Variants in AUH observed in about 807,000 individuals in gnomAD.
The protein encoded by AUH is AU RNA binding methylglutaconyl-CoA hydratase.
Under a neutral mutation model 42.3 loss-of-function variants are expected in AUH, and 29 were observed. The observed-to-expected ratio is 0.69, with a 90% CI of 0.51 to 0.93. The LOEUF (loss-of-function observed/expected upper bound fraction) is 0.93, where lower values mean the gene tolerates loss of function less well. AUH is among the 40% of genes least tolerant of loss of function. The pLI is 0.00. For missense variants in AUH, 452 were observed against 438.1 expected, an observed-to-expected ratio of 1.03 and a Z score of -0.28; for synonymous variants, 174 against 166.4, an observed-to-expected ratio of 1.05 and a Z score of -0.35.
chr9:91,303,555 C>T (rs1217187087), intron 4 of AUH, among the ~76,000 whole-genome samples: 1 of 152,182 alleles, frequency 6.6e-6, no homozygotes, highest in African/African-American at 2.4e-5. Flanking sequence ...TGGTCTCAAT[C>T]TGACCTCGTG....
intron 3 of AUH, chr9:91,342,567 G>A (rs965257618): frequency 2.6e-5 from 4 of 152,114 alleles, no homozygotes; most frequent in African/African-American, 7.2e-5. Context: ...GGGCAAGAGT[G>A]GAAGCAGATT....
intron 6 of AUH, among the ~76,000 whole-genome samples, chr9:91,292,520 C>T (rs1349549315): frequency 6.6e-6 from 1 of 151,922 alleles, no homozygotes; most frequent in Non-Finnish European, 1.5e-5. Context: ...CTCAAGTGAT[C>T]CACCCGCCTC....
At chr9:91,227,055 G>A (rs959935859) in intron 6 of AUH, among the ~76,000 whole-genome samples, 3 of 151,666 alleles carry the variant, frequency 2.0e-5, no homozygotes, top group Admixed American at 6.6e-5. Flanking sequence ...GGTTCCATAT[G>A]AACTTTAAAG....
intron 9 of AUH, among the ~76,000 whole-genome samples, chr9:91,215,388 C>G (rs1454627587): frequency 1.3e-5 from 2 of 152,058 alleles, no homozygotes; most frequent in African/African-American, 4.8e-5. Context: ...CGCACATCCT[C>G]CTGTATACTT....
intron 3 of AUH, among the ~76,000 whole-genome samples, chr9:91,336,643 AAAAAG>A (rs1407031954): frequency 6.6e-6 from 1 of 151,912 alleles, no homozygotes; most frequent in East Asian, 1.9e-4. Context: ...TCCAAAAAAA[AAAAAG>A]AAATGAACCT....
intron 4 of AUH, among the ~76,000 whole-genome samples, chr9:91,320,412 A>G (rs1587851763): frequency 6.6e-6 from 1 of 152,236 alleles, no homozygotes; most frequent in East Asian, 1.9e-4. Context: ...GGCCAATCCC[A>G]GCAGCCATAC....
chr9:91,360,449 A>G (rs748771509), intron 1 of AUH: 8 of 152,238 alleles, frequency 5.3e-5, no homozygotes, highest in South Asian at 2.1e-4. Context: ...GTCTGGAATA[A>G]TAAGTAAGGA....
At chr9:91,361,168 G>A (rs1383398067) in intron 1 of AUH, among the ~76,000 whole-genome samples, 1 of 152,200 alleles carries the variant, frequency 6.6e-6, no homozygotes, top group Non-Finnish European at 1.5e-5. Flanking sequence ...AGGAAAAATT[G>A]TTCCAGCTGA....
intron 6 of AUH, among the ~76,000 whole-genome samples, chr9:91,236,871 T>TAATTTATTCTTAGCCCACCC (rs1486566859): frequency 6.6e-6 from 1 of 152,188 alleles, no homozygotes; most frequent in Non-Finnish European, 1.5e-5. Flanking sequence ...GGAAAAATAG[T>TAATTTATTCTTAGCCCACCC]AATTTATTCT....
intron 4 of AUH, among the ~76,000 whole-genome samples, chr9:91,322,824 AC>A (rs1829685491): frequency 6.6e-6 from 1 of 152,162 alleles, no homozygotes; most frequent in Non-Finnish European, 1.5e-5. Context: ...ACCACCCCTA[AC>A]CACAATGACC....
At chr9:91,297,317 G>C (rs1308925241) in intron 5 of AUH, among the ~76,000 whole-genome samples, 2 of 152,108 alleles carry the variant, frequency 1.3e-5, no homozygotes, top group Non-Finnish European at 2.9e-5. Context: ...CTGGGTGCCT[G>C]GACTGCACAC....
At chr9:91,293,365 G>A (rs935758396) in intron 6 of AUH, among the ~76,000 whole-genome samples, 23 of 152,234 alleles carry the variant, frequency 1.5e-4, no homozygotes, top group African/African-American at 5.3e-4. Flanking sequence ...GCAAAGCAAC[G>A]TTTCTTGAAG....
intron 6 of AUH, among the ~76,000 whole-genome samples, chr9:91,250,250 G>A (rs79043982): frequency 0.1 from 15,493 of 151,878 alleles, 848 homozygotes; most frequent in African/African-American, 0.13. Context: ...CACTCCTCAC[G>A]ACTCACCCAT....
intron 1 of AUH, among the ~76,000 whole-genome samples, chr9:91,356,449 G>A (rs1033341250): frequency 2.0e-5 from 3 of 152,132 alleles, no homozygotes; most frequent in Non-Finnish European, 4.4e-5. Context: ...CAAAGTAACC[G>A]CTAATAAACC....
At chr9:91,292,740 A>T (rs560015515) in intron 6 of AUH, among the ~76,000 whole-genome samples, 36 of 152,254 alleles carry the variant, frequency 2.4e-4, no homozygotes, top group Middle Eastern at 3.4e-3. Flanking sequence ...AGTAACTTAA[A>T]ACTTAAGAAC....
intron 6 of AUH, among the ~76,000 whole-genome samples, chr9:91,225,722 C>A (rs1218452170): frequency 7.2e-6 from 1 of 139,400 alleles, no homozygotes; most frequent in African/African-American, 2.7e-5. Flanking sequence ...ACACCACAGT[C>A]CCCAGAGTGT....
intron 4 of AUH, among the ~76,000 whole-genome samples, chr9:91,315,949 AT>A (rs1333618834): frequency 6.6e-6 from 1 of 152,280 alleles, no homozygotes; most frequent in Non-Finnish European, 1.5e-5. Context: ...TTTATAAAAA[AT>A]AAGTCATACT....
chr9:91,314,303 G>A (rs542454599), intron 4 of AUH, among the ~76,000 whole-genome samples: 115 of 151,924 alleles, frequency 7.6e-4, no homozygotes, highest in African/African-American at 2.6e-3. Context: ...CAAGGAGTTC[G>A]AAACCAGTCT....
intron 3 of AUH, among the ~76,000 whole-genome samples, chr9:91,346,025 G>C (rs1034079025): frequency 6.6e-6 from 1 of 151,968 alleles, no homozygotes; most frequent in South Asian, 2.1e-4. Context: ...AAAATACTTC[G>C]TCGTTTTTAT....
Sources: allele counts gnomAD v4.1 joint callset (sites outside exome capture counted in the v4.1 genomes callset), GRCh38; gene constraint gnomAD v4.1.1; transcripts MANE v1.5; gene names NCBI Gene and HGNC (gene_info 2026-07-23, HGNC 2026-07-21).